The following SLC24A3 variants were observed in gnomAD, a reference collection of about 807,000 sequenced individuals.
SLC24A3 encodes solute carrier family 24 member 3.
A neutral mutation model predicts 75.8 loss-of-function variants in SLC24A3; 28 were observed. The ratio of observed to expected loss-of-function variants is 0.37; its 90% CI spans 0.27 to 0.51. SLC24A3 has a LOEUF of 0.51. SLC24A3 is among the 20% of genes least tolerant of loss of function. The pLI is 0.94. For missense variants in SLC24A3, 663 were observed against 847.8 expected (o/e 0.78, Z 2.71); for synonymous variants, 372 against 334.1 (o/e 1.11, Z -1.24).
At chr20:19,636,966 A>G (rs1463382466) in intron 6 of SLC24A3, among the ~76,000 whole-genome samples, 1 of 152,182 alleles carries the variant, frequency 6.6e-6, no homozygotes, top group Non-Finnish European at 1.5e-5. Context: ...TATTTAAAAA[A>G]GAAGAAGAAG....
intron 4 of SLC24A3, among the ~76,000 whole-genome samples, chr20:19,583,876 C>T (rs1312163008): frequency 6.6e-6 from 1 of 152,188 alleles, no homozygotes; most frequent in South Asian, 2.1e-4. Flanking sequence ...CGCTGTCCAG[C>T]CGACAGCGAA....
chr20:19,711,627 C>G (rs2032994385), intron 15 of SLC24A3, among the ~76,000 whole-genome samples: 1 of 152,174 alleles, frequency 6.6e-6, no homozygotes, highest in African/African-American at 2.4e-5. Context: ...TGCTCAGAAT[C>G]ACCAGCAGAT....
rs1421110023 is a variant in SLC24A3 at position 19,536,038 on chromosome 20, C to T, written c.348+20474C>T. Among the ~76,000 whole-genome samples the T allele has an allele frequency of 3.3e-5, 5 of 152,238 alleles. No individual in the cohort carries two copies. The East Asian group carries it at 9.7e-4, about 29-fold the overall frequency. On this transcript the variant is annotated intron_variant, in intron 3 of 16. Coordinates refer to ENST00000328041, the MANE Select transcript of SLC24A3 (RefSeq NM_020689.4). ...CATTAATCCCCTCTTAAAGGTCCCA[C>T]CTCTTAATTTGCCACATTGAGGATC...
chr20:19,598,569 C>A (rs2031480687), intron 6 of SLC24A3, among the ~76,000 whole-genome samples: 1 of 152,066 alleles, frequency 6.6e-6, no homozygotes, highest in Non-Finnish European at 1.5e-5. Flanking sequence ...ATAAAGCACA[C>A]TGGCCTCAGT....
intron 3 of SLC24A3, among the ~76,000 whole-genome samples, chr20:19,557,215 A>G (rs2030802274): frequency 6.6e-6 from 1 of 152,148 alleles, no homozygotes; most frequent in East Asian, 1.9e-4. Context: ...TTTTCCACCT[A>G]CAAACACTTG....
Position 19,511,612 on chromosome 20 carries a change from C to A in SLC24A3, c.272-3876C>A, listed in dbSNP as rs531297094. 2.3e-3 allele frequency among the ~76,000 whole-genome samples: 344 copies of A among 152,260 alleles called. 1 individual carries two copies. The highest frequency in any genetic ancestry group is 5.1e-3 in the Admixed American group (78 of 15,304). ...AAAGTGCTGGGATTACAGGCGTGAGCCACCGCGCCCGGCCTGGGCTTAGCT... is the reference window on the plus strand; with the variant it reads ...AAAGTGCTGGGATTACAGGCGTGAGACACCGCGCCCGGCCTGGGCTTAGCT... On this transcript the variant is annotated intron_variant, in intron 2 of 16. Transcript: ENST00000328041.
intron 5 of SLC24A3, 127 bp downstream of exon 5, chr20:19,585,182 A>T: frequency 1.2e-6 from 1 of 847,258 alleles, no homozygotes. Context: ...GACCCCAATG[A>T]GTAGAACATC....
intron 1 of SLC24A3, among the ~76,000 whole-genome samples, chr20:19,234,999 C>T (rs1302760922): frequency 6.6e-6 from 1 of 152,238 alleles, no homozygotes; most frequent in Non-Finnish European, 1.5e-5. Flanking sequence ...TGTAAACTCA[C>T]ACACACTGAG....
At chr20:19,425,404 A>T (rs1986989935) in intron 2 of SLC24A3, among the ~76,000 whole-genome samples, 1 of 152,072 alleles carries the variant, frequency 6.6e-6, no homozygotes, top group African/African-American at 2.4e-5. Context: ...TTTTCTTGAC[A>T]TTATCATCCG....
chr20:19,288,236 TAA>T (rs1310953936), intron 2 of SLC24A3, among the ~76,000 whole-genome samples: 2 of 152,224 alleles, frequency 1.3e-5, no homozygotes, highest in African/African-American at 4.8e-5. Flanking sequence ...TTCTGACTAA[TAA>T]GTTTCTGGCC....
chr20:19,630,582 A>G (rs1252265333), intron 6 of SLC24A3, among the ~76,000 whole-genome samples: 1 of 152,258 alleles, frequency 6.6e-6, no homozygotes, highest in Non-Finnish European at 1.5e-5. Context: ...GACATAACAT[A>G]TAACTGACCC....
chr20:19,666,105 C>G (rs1382564675), intron 8 of SLC24A3, among the ~76,000 whole-genome samples: 1 of 152,088 alleles, frequency 6.6e-6, no homozygotes, highest in Non-Finnish European at 1.5e-5. Flanking sequence ...TGGTGGGGTT[C>G]TATTTGAGAT....
At chr20:19,544,061 G>C (rs762936305) in intron 3 of SLC24A3, among the ~76,000 whole-genome samples, 3 of 152,140 alleles carry the variant, frequency 2.0e-5, no homozygotes, top group Non-Finnish European at 4.4e-5. Flanking sequence ...TGTTACTGCA[G>C]TCATACTTCA....
intron 1 of SLC24A3, among the ~76,000 whole-genome samples, chr20:19,216,086 G>A (rs551711820): frequency 1.3e-5 from 2 of 152,186 alleles, no homozygotes; most frequent in Non-Finnish European, 1.5e-5. Context: ...AGCCTTCAGT[G>A]GTGGAAAGCA....
intron 3 of SLC24A3, among the ~76,000 whole-genome samples, chr20:19,526,665 G>T (rs555337859): frequency 4.6e-5 from 7 of 152,290 alleles, no homozygotes; most frequent in African/African-American, 1.7e-4. Context: ...CTATCAGAGG[G>T]TCCACATGGC....
At chr20:19,323,322 T>C (rs1984759095) in intron 2 of SLC24A3, among the ~76,000 whole-genome samples, 1 of 152,148 alleles carries the variant, frequency 6.6e-6, no homozygotes, top group Non-Finnish European at 1.5e-5. Flanking sequence ...GCAAAATTTA[T>C]GCATGGACTA....
chr20:19,444,069 T>C (rs1987339832), intron 2 of SLC24A3, among the ~76,000 whole-genome samples: 1 of 152,228 alleles, frequency 6.6e-6, no homozygotes, highest in Non-Finnish European at 1.5e-5. Context: ...GTTAAATGCT[T>C]TTTCTGCATC....
intron 6 of SLC24A3, among the ~76,000 whole-genome samples, chr20:19,621,271 C>T (rs1361839575): frequency 1.3e-5 from 2 of 152,180 alleles, no homozygotes; most frequent in Non-Finnish European, 2.9e-5. Context: ...CATTATCAAA[C>T]CAATGACTCA....
At chr20:19,238,041 A>G (rs979082449) in intron 1 of SLC24A3, among the ~76,000 whole-genome samples, 1 of 152,228 alleles carries the variant, frequency 6.6e-6, no homozygotes, top group African/African-American at 2.4e-5. Flanking sequence ...AAAGTTCAAT[A>G]TATGTACAGA....
Sources: allele counts gnomAD v4.1 joint callset (sites outside exome capture counted in the v4.1 genomes callset), GRCh38; gene constraint gnomAD v4.1.1; transcripts MANE v1.5; gene names NCBI Gene and HGNC (gene_info 2026-07-23, HGNC 2026-07-21).